The following NAALADL2 variants were observed in gnomAD, a reference collection of about 807,000 sequenced individuals.
NAALADL2 encodes inactive N-acetylated-alpha-linked acidic dipeptidase-like protein 2.
Under a neutral mutation model 87.2 loss-of-function variants are expected in NAALADL2, and 76 were observed. That is an observed-to-expected ratio of 0.87 (90% CI 0.72 to 1.05). The LOEUF is 1.05. Among genes scored for constraint, NAALADL2 ranks in the 50% least tolerant of loss-of-function variants. NAALADL2 has a pLI of 0.00. For synonymous variants in NAALADL2, 354 were observed against 331.0 expected, an observed-to-expected ratio of 1.07 and a Z score of -0.75; for missense variants, 1,089 against 945.8, an observed-to-expected ratio of 1.15 and a Z score of -1.99.
At chr3:175,156,781 C>T (rs1218541697) in intron 2 of NAALADL2, among the ~76,000 whole-genome samples, 1 of 151,992 alleles carries the variant, frequency 6.6e-6, no homozygotes, top group Non-Finnish European at 1.5e-5. Flanking sequence ...GTTTATACAG[C>T]TGACCTACAG....
chr3:175,728,209 A>C (rs1743195144), intron 11 of NAALADL2, among the ~76,000 whole-genome samples: 1 of 152,152 alleles, frequency 6.6e-6, no homozygotes, highest in African/African-American at 2.4e-5. Context: ...ACATATCCCA[A>C]ACAAGTAACT....
At chr3:175,299,120 T>C (rs553262473) in intron 4 of NAALADL2, among the ~76,000 whole-genome samples, 16 of 152,316 alleles carry the variant, frequency 1.1e-4, no homozygotes, top group African/African-American at 3.6e-4. Flanking sequence ...TCTGTACCAT[T>C]GGTCTATATA....
chr3:175,168,662 T>C (rs1013768002), intron 2 of NAALADL2, among the ~76,000 whole-genome samples: 4 of 151,780 alleles, frequency 2.6e-5, no homozygotes, highest in Non-Finnish European at 5.9e-5. Flanking sequence ...GGCTGAGATA[T>C]TGATATCTTT....
rs1754682168 is a variant in NAALADL2, at chr3:175,806,136, G to A, written c.*2933G>A. On this transcript the variant is annotated 3_prime_UTR_variant, in exon 14 of 14. Transcript: ENST00000454872. Reference sequence around the variant, plus strand: ...GATGTAACCAGCCATTCTGTCAGATGTTGCATGGGCTGGAAACACTGCTTT... The same window carrying A: ...GATGTAACCAGCCATTCTGTCAGATATTGCATGGGCTGGAAACACTGCTTT... 1 of 151,904 alleles carries A rather than the reference G, an allele frequency of 6.6e-6. No individual in the cohort carries two copies. Among genetic ancestry groups the A allele is most frequent in the Non-Finnish European group, 1.5e-5 (1 of 67,894 alleles). The allele number at this position is 151,904 out of a possible 1,614,324, so 9.4% of individuals were successfully genotyped here.
chr3:175,745,925 A>G (rs1745857924), intron 12 of NAALADL2, among the ~76,000 whole-genome samples: 1 of 152,160 alleles, frequency 6.6e-6, no homozygotes, highest in African/African-American at 2.4e-5. Flanking sequence ...TCTTCATCAG[A>G]TTTCTTAAAT....
intron 2 of NAALADL2, among the ~76,000 whole-genome samples, chr3:174,621,160 C>G (rs571747959): frequency 4.1e-4 from 62 of 152,112 alleles, no homozygotes; most frequent in African/African-American, 1.4e-3. Flanking sequence ...TCCTTTAGTT[C>G]AGAATTGCCG....
chr3:174,853,599 C>T (rs984130392), intron 3 of NAALADL2, among the ~76,000 whole-genome samples: 2 of 151,792 alleles, frequency 1.3e-5, no homozygotes, highest in Admixed American at 6.6e-5. Context: ...GAAGATACAG[C>T]CCACAGAATG....
intron 1 of NAALADL2, among the ~76,000 whole-genome samples, chr3:175,026,871 T>C (rs937838101): frequency 6.6e-6 from 1 of 152,104 alleles, no homozygotes; most frequent in Non-Finnish European, 1.5e-5. Context: ...GAGATTCACA[T>C]GAGTTATTTT....
intron 3 of NAALADL2, among the ~76,000 whole-genome samples, chr3:175,253,273 G>C (rs1033428712): frequency 6.6e-6 from 1 of 152,124 alleles, no homozygotes; most frequent in Admixed American, 6.5e-5. Context: ...TTCTAAAAAT[G>C]CTAGGGTCCT....
intron 1 of NAALADL2, among the ~76,000 whole-genome samples, chr3:174,956,992 G>A (rs1410222793): frequency 2.0e-5 from 3 of 151,842 alleles, no homozygotes; most frequent in Non-Finnish European, 4.4e-5. Context: ...AGTACTCACC[G>A]CTTTTACTTT....
At chr3:175,590,354 G>C in intron 10 of NAALADL2, among the ~76,000 whole-genome samples, 1 of 101,654 alleles carries the variant, frequency 9.8e-6, no homozygotes, top group East Asian at 2.6e-4. Flanking sequence ...TTTTTTTTTT[G>C]GAAAGAATAG....
chr3:175,049,863 C>A (rs1021580648), intron 1 of NAALADL2, among the ~76,000 whole-genome samples: 1 of 152,150 alleles, frequency 6.6e-6, no homozygotes, highest in East Asian at 1.9e-4. Flanking sequence ...TAATATGGAC[C>A]GCAATTAAAT....
intron 9 of NAALADL2, among the ~76,000 whole-genome samples, chr3:175,497,180 C>T (rs1728936719): frequency 6.6e-6 from 1 of 152,030 alleles, no homozygotes; most frequent in Non-Finnish European, 1.5e-5. Context: ...CTCAAGAGAT[C>T]CTCCTGCCTC....
chr3:175,638,778 T>C (rs1312467422), intron 11 of NAALADL2, among the ~76,000 whole-genome samples: 1 of 152,154 alleles, frequency 6.6e-6, no homozygotes, highest in Non-Finnish European at 1.5e-5. Flanking sequence ...TCTGAACAAG[T>C]ATAAGCCTTT....
At chr3:174,678,474 C>T (rs964575677) in intron 2 of NAALADL2, among the ~76,000 whole-genome samples, 5 of 152,112 alleles carry the variant, frequency 3.3e-5, no homozygotes, top group African/African-American at 1.2e-4. Flanking sequence ...AGTGGGTGTA[C>T]AAATTTGCAT....
At chr3:174,980,649 G>A (rs1285429688) in intron 1 of NAALADL2, among the ~76,000 whole-genome samples, 1 of 152,026 alleles carries the variant, frequency 6.6e-6, no homozygotes, top group Admixed American at 6.6e-5. Flanking sequence ...ACTAATTAAT[G>A]TTTATGCTAA....
rs558742020 is a variant in NAALADL2 at position 174,687,458 on chromosome 3, G to T, written c.-114-50183G>T. Among the ~76,000 whole-genome samples the T allele has an allele frequency of 6.6e-5, 10 of 152,130 alleles. No individual in the cohort carries two copies. In the South Asian group the frequency reaches 1.5e-3, roughly 22 times the overall value. Reference sequence around the variant, plus strand: ...TGTGTGTTTTGGCCTATTGGATTTAGAGGTGATTCGCTTACAATATACTAG... The same window carrying T: ...TGTGTGTTTTGGCCTATTGGATTTATAGGTGATTCGCTTACAATATACTAG... On this transcript the variant is annotated intron_variant, in intron 2 of 3. Coordinates refer to the NAALADL2 transcript ENST00000434257.
At position 175,718,386 on chromosome 3, in the gene NAALADL2, T is replaced by G. The variant is rs368463615; in HGVS notation, c.1897-18920T>G. On this transcript the variant is annotated intron_variant, in intron 11 of 13. Coordinates refer to ENST00000454872, the MANE Select transcript of NAALADL2 (RefSeq NM_207015.3). ...CTTGGGTCCACCACTCCATTAGAACTATTTACTCCATTCATATTAATTTTT... is the reference window on the plus strand; with the variant it reads ...CTTGGGTCCACCACTCCATTAGAACGATTTACTCCATTCATATTAATTTTT... 2.0e-5 allele frequency: 32 copies of G among 1,594,342 alleles called. 1 individual carries two copies. In the African/African-American group the frequency reaches 3.1e-4, roughly 15 times the overall value.
chr3:175,750,553 A>G (rs1746501638), intron 12 of NAALADL2, among the ~76,000 whole-genome samples: 1 of 152,156 alleles, frequency 6.6e-6, no homozygotes, highest in African/African-American at 2.4e-5. Flanking sequence ...TACGATAGTG[A>G]GGACTAAGGG....
Sources: gnomAD v4.1 joint callset for allele counts (sites outside exome capture counted in the v4.1 genomes callset) on GRCh38, gnomAD v4.1.1 for gene constraint, MANE v1.5 for transcripts, NCBI Gene and HGNC (gene_info 2026-07-23, HGNC 2026-07-21) for gene names.